Variants in LARGE1 observed in about 807,000 individuals in gnomAD.
LARGE1 encodes the protein xylosyl- and glucuronyltransferase LARGE1.
Under a neutral mutation model 87.6 loss-of-function variants are expected in LARGE1, and 43 were observed. The observed-to-expected ratio is 0.49, with a 90% CI of 0.38 to 0.63. The LOEUF is 0.63. Ranked by LOEUF, LARGE1 falls within the 30% of genes least tolerant of loss-of-function variation. LARGE1 has a pLI of 0.00. For synonymous variants in LARGE1, 434 were observed against 394.6 expected (o/e 1.10, Z -1.18); for missense variants, 802 against 1,000.2 (o/e 0.80, Z 2.67).
intron 1 of LARGE1, among the ~76,000 whole-genome samples, chr22:33,829,133 C>T (rs940206634): frequency 6.6e-6 from 1 of 151,518 alleles, no homozygotes; most frequent in African/African-American, 2.4e-5. Context: ...CTCAGCCTCC[C>T]TAGTAGCTGG....
At chr22:33,521,727 C>A (rs542509999) in intron 6 of LARGE1, among the ~76,000 whole-genome samples, 7 of 152,302 alleles carry the variant, frequency 4.6e-5, no homozygotes, top group African/African-American at 1.2e-4. Context: ...TACTCACATT[C>A]TAATGCAGAG....
chr22:33,609,542 A>G (rs2079367034), intron 4 of LARGE1, among the ~76,000 whole-genome samples: 1 of 152,192 alleles, frequency 6.6e-6, no homozygotes, highest in Admixed American at 6.5e-5. Flanking sequence ...AAAGGGAGGC[A>G]TTCAGCAGGG....
chr22:33,071,216 C>A, the LARGE1 span, among the ~76,000 whole-genome samples: 1 of 152,264 alleles, frequency 6.6e-6, no homozygotes, highest in Non-Finnish European at 1.5e-5. Context: ...ACTTCTTTCC[C>A]AGACACTTAT....
intron 5 of LARGE1, among the ~76,000 whole-genome samples, chr22:33,590,755 A>G (rs960363767): frequency 3.3e-5 from 5 of 152,230 alleles, no homozygotes; most frequent in African/African-American, 1.2e-4. Context: ...GCTGTTTACC[A>G]GTTCTTCAGC....
At chr22:33,387,426 C>CAAAAAAAA (rs758366490) in intron 7 of LARGE1, among the ~76,000 whole-genome samples, 18 of 67,230 alleles carry the variant, frequency 2.7e-4, no homozygotes, top group East Asian at 4.7e-4. Context: ...GACTCTGTCT[C>CAAAAAAAA]AAAAAAAAAA....
intron 5 of LARGE1, among the ~76,000 whole-genome samples, chr22:33,601,660 G>A (rs1385354706): frequency 6.6e-6 from 1 of 152,190 alleles, no homozygotes; most frequent in East Asian, 1.9e-4. Flanking sequence ...AGGAATGTGA[G>A]AGAGACAGGT....
intron 3 of LARGE1, among the ~76,000 whole-genome samples, chr22:33,647,125 T>C (rs554014707): frequency 6.6e-6 from 1 of 152,360 alleles, no homozygotes; most frequent in South Asian, 2.1e-4. Context: ...CTCCCAGAGA[T>C]TCTTAGTCAG....
intron 6 of LARGE1, among the ~76,000 whole-genome samples, chr22:33,518,796 C>G (rs1292338558): frequency 6.6e-6 from 1 of 152,070 alleles, no homozygotes; most frequent in Non-Finnish European, 1.5e-5. Flanking sequence ...TGGAGTGGGG[C>G]AGAGAAAGGG....
chr22:33,256,526 T>A (rs1257232843), intron 11 of LARGE1, among the ~76,000 whole-genome samples: 2 of 152,208 alleles, frequency 1.3e-5, no homozygotes, highest in Non-Finnish European at 2.9e-5. Flanking sequence ...CAACATTGGC[T>A]GGTAAAGTGC....
chr22:33,291,773 C>T (rs1932628148), intron 12 of LARGE1, among the ~76,000 whole-genome samples: 1 of 151,830 alleles, frequency 6.6e-6, no homozygotes, highest in African/African-American at 2.4e-5. Context: ...TGGCGTTCCT[C>T]CCCTCTGCAG....
At chr22:33,514,162 CATT>C (rs1267318240) in intron 6 of LARGE1, among the ~76,000 whole-genome samples, 2 of 152,182 alleles carry the variant, frequency 1.3e-5, no homozygotes, top group Non-Finnish European at 2.9e-5. Flanking sequence ...ATATCCCCAT[CATT>C]AAGTGTCACA....
At chr22:33,463,294 A>G (rs1330850565) in intron 6 of LARGE1, among the ~76,000 whole-genome samples, 1 of 152,140 alleles carries the variant, frequency 6.6e-6, no homozygotes, top group Non-Finnish European at 1.5e-5. Flanking sequence ...AAAAGAAAAT[A>G]CAAATACAAA....
intron 11 of LARGE1, among the ~76,000 whole-genome samples, chr22:33,212,031 G>T (rs1177707167): frequency 1.3e-5 from 2 of 152,178 alleles, no homozygotes; most frequent in African/African-American, 4.8e-5. Flanking sequence ...GAAAGAAGTT[G>T]TCTCCATAAC....
chr22:33,582,155 G>A (rs888705286), intron 5 of LARGE1, among the ~76,000 whole-genome samples: 2 of 152,118 alleles, frequency 1.3e-5, no homozygotes, highest in African/African-American at 4.8e-5. Flanking sequence ...TGGATCCAGG[G>A]GGCAGAGGCA....
the LARGE1 span, among the ~76,000 whole-genome samples, chr22:33,122,941 T>C: frequency 1.3e-5 from 2 of 152,238 alleles, no homozygotes; most frequent in Middle Eastern, 3.4e-3. Flanking sequence ...TTGGGCTTGC[T>C]TCCTTGGGCA....
At chr22:33,824,994 T>C (rs905820191) in intron 1 of LARGE1, among the ~76,000 whole-genome samples, 1 of 152,214 alleles carries the variant, frequency 6.6e-6, no homozygotes, top group African/African-American at 2.4e-5. Context: ...TTTGGGTCTT[T>C]GTTTTCTTAT....
chr22:33,622,389 T>G (rs1260145087), intron 4 of LARGE1, among the ~76,000 whole-genome samples: 4 of 152,158 alleles, frequency 2.6e-5, no homozygotes, highest in Non-Finnish European at 4.4e-5. Flanking sequence ...CCGCCATGAT[T>G]ATAAGTTTCC....
chr22:33,550,659 A>G (rs1489637277), intron 6 of LARGE1, among the ~76,000 whole-genome samples: 1 of 152,244 alleles, frequency 6.6e-6, no homozygotes, highest in Non-Finnish European at 1.5e-5. Context: ...AACTAACAAT[A>G]GAACTACCAT....
chr22:33,556,101 A>G (rs2148724679), intron 6 of LARGE1, among the ~76,000 whole-genome samples: 1 of 151,962 alleles, frequency 6.6e-6, no homozygotes, highest in African/African-American at 2.4e-5. Flanking sequence ...ACTCCCTCCA[A>G]CTTCCCTCAC....
Sources: gnomAD v4.1 joint callset for allele counts (sites outside exome capture counted in the v4.1 genomes callset) on GRCh38, gnomAD v4.1.1 for gene constraint, MANE v1.5 for transcripts, NCBI Gene and HGNC (gene_info 2026-07-23, HGNC 2026-07-21) for gene names.